Variants in DCC observed in about 807,000 individuals in gnomAD.
DCC encodes DCC netrin 1 receptor.
Under a neutral mutation model 172.5 loss-of-function variants are expected in DCC, and 58 were observed. That is an observed-to-expected ratio of 0.34 (90% confidence interval 0.27 to 0.42). The LOEUF is 0.42. Among genes scored for constraint, DCC ranks in the 10% least tolerant of loss-of-function variants. The pLI is 1.00. For missense variants in DCC, 1,740 were observed against 1,791.0 expected (o/e 0.97, Z 0.51); for synonymous variants, 709 against 644.5 (o/e 1.10, Z -1.52).
At chr18:52,385,790 G>C (rs1985774014) in intron 1 of DCC, among the ~76,000 whole-genome samples, 3 of 152,102 alleles carry the variant, frequency 2.0e-5, no homozygotes, top group Non-Finnish European at 4.4e-5. Context: ...TCATCTGTAA[G>C]GTTTTTTAAA....
At chr18:53,102,779 G>C (rs912625592) in intron 7 of DCC, among the ~76,000 whole-genome samples, 1 of 151,982 alleles carries the variant, frequency 6.6e-6, no homozygotes, top group Non-Finnish European at 1.5e-5. Flanking sequence ...TTGTGCTGTA[G>C]GGTCTTCTTC....
At chr18:52,566,585 GGTA>G (rs2033166391) in intron 1 of DCC, among the ~76,000 whole-genome samples, 1 of 152,000 alleles carries the variant, frequency 6.6e-6, no homozygotes, top group South Asian at 2.1e-4. Context: ...CACAGATGGT[GGTA>G]GTTTTATACC....
intron 5 of DCC, among the ~76,000 whole-genome samples, chr18:53,046,806 C>T (rs1473314002): frequency 3.3e-5 from 5 of 151,800 alleles, no homozygotes; most frequent in African/African-American, 1.2e-4. Context: ...TATTCTGGAC[C>T]TTCTAGATCT....
At chr18:52,813,851 A>G (rs1257523135) in intron 2 of DCC, among the ~76,000 whole-genome samples, 2 of 152,170 alleles carry the variant, frequency 1.3e-5, no homozygotes, top group Admixed American at 6.5e-5. Context: ...CCAGACTGCA[A>G]TGATGCTGCA....
intron 1 of DCC, among the ~76,000 whole-genome samples, chr18:52,658,387 T>C (rs949333287): frequency 1.3e-5 from 2 of 152,236 alleles, no homozygotes; most frequent in African/African-American, 4.8e-5. Context: ...CAAATTTTTA[T>C]ATACAGGTCT....
intron 13 of DCC, among the ~76,000 whole-genome samples, chr18:53,316,354 T>C (rs2057343826): frequency 6.6e-6 from 1 of 152,156 alleles, no homozygotes; most frequent in South Asian, 2.1e-4. Flanking sequence ...TTGTTTACGG[T>C]AGCTTATAGT....
At chr18:53,217,359 C>G (rs145674978) in intron 12 of DCC, among the ~76,000 whole-genome samples, 24 of 151,780 alleles carry the variant, frequency 1.6e-4, no homozygotes, top group African/African-American at 5.1e-4. Flanking sequence ...CTACTCTTCT[C>G]TAATTTGCTT....
chr18:52,883,992 TTA>T (rs2039533350), intron 2 of DCC, among the ~76,000 whole-genome samples: 1 of 151,920 alleles, frequency 6.6e-6, no homozygotes, highest in African/African-American at 2.4e-5. Context: ...AGGGTAAAAG[TTA>T]TTTTCCTTCA....
rs150039278 is a variant in DCC, at chr18:52,953,059, T to C, written c.985+27689T>C. ...AACATTGCCTTTAATACCTCTCTAA[T>C]ATTCCTTACATCATTCTACGGTATT... is the stretch of plus-strand genomic sequence containing the variant. On this transcript the variant is annotated intron_variant, in intron 5 of 28. Coordinates refer to ENST00000442544, the MANE Select transcript of DCC (RefSeq NM_005215.4). Among the ~76,000 whole-genome samples the C allele has an allele frequency of 2.8e-4, 40 of 142,782 alleles. No homozygotes were observed. In the East Asian group the frequency reaches 8.7e-3, roughly 31 times the overall value. 93.7% of individuals were successfully genotyped at this position (142,782 alleles called of 152,430 possible).
intron 15 of DCC, among the ~76,000 whole-genome samples, chr18:53,369,304 AAG>A: frequency 6.6e-6 from 1 of 152,012 alleles, no homozygotes; most frequent in East Asian, 1.9e-4. Flanking sequence ...TTTGCTCTAA[AAG>A]GTGTTTTGGT....
rs144762794 is a variant in DCC, at chr18:52,973,347, A to G, written c.985+47977A>G. 4.6e-5 allele frequency among the ~76,000 whole-genome samples: 7 copies of G among 152,266 alleles called. No homozygotes were observed. In the East Asian group the frequency reaches 1.4e-3, roughly 29 times the overall value. Reference sequence around the variant, plus strand: ...TGTGAATTTTTAAATCACTTAATAAACTGTAAAAGTTTATTAAGTTGTACT... The same window carrying G: ...TGTGAATTTTTAAATCACTTAATAAGCTGTAAAAGTTTATTAAGTTGTACT... On this transcript the variant is annotated intron_variant, in intron 5 of 28. Coordinates refer to ENST00000442544, the MANE Select transcript of DCC (RefSeq NM_005215.4).
chr18:52,723,546 C>A (rs1453267165), intron 1 of DCC, among the ~76,000 whole-genome samples: 1 of 152,152 alleles, frequency 6.6e-6, no homozygotes, highest in African/African-American at 2.4e-5. Context: ...CCCAAAGGGA[C>A]ACGAACACCA....
intron 1 of DCC, among the ~76,000 whole-genome samples, chr18:52,453,079 C>T (rs1038846514): frequency 2.6e-4 from 40 of 152,220 alleles, no homozygotes; most frequent in Non-Finnish European, 8.8e-5. Flanking sequence ...GCCACCCTCT[C>T]CTTGTCACAG....
intron 1 of DCC, among the ~76,000 whole-genome samples, chr18:52,680,473 T>G (rs2035728531): frequency 6.6e-6 from 1 of 152,178 alleles, no homozygotes; most frequent in Non-Finnish European, 1.5e-5. Flanking sequence ...TGTCGTATGT[T>G]CTCTCGGTTC....
chr18:52,459,455 G>C (rs1002837537), intron 1 of DCC, among the ~76,000 whole-genome samples: 1 of 140,560 alleles, frequency 7.1e-6, no homozygotes, highest in Non-Finnish European at 1.6e-5. Flanking sequence ...GCAGTATTTG[G>C]TTTTCTTTCT....
intron 1 of DCC, among the ~76,000 whole-genome samples, chr18:52,405,976 A>AT (rs1986633555): frequency 6.6e-6 from 1 of 151,452 alleles, no homozygotes; most frequent in South Asian, 2.1e-4. Flanking sequence ...AAACAGAGAT[A>AT]TAGATCAATG....
Position 53,526,737 on chromosome 18 carries a change from A to G in DCC, c.4232A>G (p.Lys1411Arg), listed in dbSNP as rs143825320. The stretch of plus-strand genomic sequence containing the variant: ...CCTGAAGTGTCTGAGGAGAGCCACA[A>G]ACCAACAGAGGATTCAGCCAATGTA... ...TAPEVSEESH[K>R]PTEDSANVYE... Residue 1411 changes from lysine (K) to arginine (R), a missense_variant, in exon 28 of 29, where the codon AAA (lysine) becomes AGA (arginine). Coordinates refer to ENST00000442544, the MANE Select transcript of DCC (RefSeq NM_005215.4). 21 of 1,613,266 alleles carry G rather than the reference A, an allele frequency of 1.3e-5. No homozygotes were observed. In the African/African-American group the frequency reaches 2.3e-4, roughly 17 times the overall value.
At chr18:52,395,464 G>A (rs10163696) in intron 1 of DCC, among the ~76,000 whole-genome samples, 95,885 of 151,720 alleles carry the variant, frequency 0.63, 30,884 homozygotes, top group Non-Finnish European at 0.7. Flanking sequence ...AGGATGAAGA[G>A]ACTTTTAAAC....
chr18:53,451,468 A>AGACAC (rs2045411626), intron 23 of DCC, among the ~76,000 whole-genome samples: 2 of 152,218 alleles, frequency 1.3e-5, no homozygotes, highest in South Asian at 4.2e-4. Context: ...GTCCTTTTAA[A>AGACAC]ATTCAGCCTG....
Sources: allele counts gnomAD v4.1 joint callset (sites outside exome capture counted in the v4.1 genomes callset), GRCh38; gene constraint gnomAD v4.1.1; transcripts MANE v1.5; gene names NCBI Gene and HGNC (gene_info 2026-07-23, HGNC 2026-07-21).